Variants in TENM2 observed in about 807,000 individuals in gnomAD.
The protein encoded by TENM2 is teneurin-2.
In TENM2, 52 loss-of-function variants were observed where a neutral mutation model predicts 245.2. The ratio of observed to expected loss-of-function variants is 0.21; its 90% CI spans 0.17 to 0.27. The LOEUF is 0.27. Ranked by LOEUF, TENM2 falls within the 10% of genes least tolerant of loss-of-function variation. The pLI, the probability that TENM2 is intolerant of heterozygous loss-of-function variation, is 1.00. For synonymous variants in TENM2, 1,363 were observed against 1,438.9 expected (o/e 0.95, Z 1.19); for missense variants, 3,046 against 3,666.8 (o/e 0.83, Z 4.37).
At chr5:167,389,176 G>A (rs1761614367) in intron 2 of TENM2, among the ~76,000 whole-genome samples, 2 of 150,896 alleles carry the variant, frequency 1.3e-5, no homozygotes, top group East Asian at 1.9e-4. Flanking sequence ...ATTATTTATA[G>A]ATATACGTTT....
intron 22 of TENM2, among the ~76,000 whole-genome samples, chr5:168,217,757 G>C (rs1234931151): frequency 6.6e-6 from 1 of 152,120 alleles, no homozygotes; most frequent in Non-Finnish European, 1.5e-5. Context: ...GCGTCTGCTT[G>C]GAGAGCAGAG....
At chr5:167,191,985 A>C in the TENM2 span, among the ~76,000 whole-genome samples, 3 of 152,104 alleles carry the variant, frequency 2.0e-5, no homozygotes, top group Non-Finnish European at 2.9e-5. Flanking sequence ...ACATGACTTC[A>C]CAGTATTGAA....
intron 2 of TENM2, among the ~76,000 whole-genome samples, chr5:167,588,096 C>T (rs1445335451): frequency 1.3e-5 from 2 of 152,298 alleles, no homozygotes; most frequent in South Asian, 2.1e-4. Context: ...ATTCCCAGGG[C>T]TCACTGTTCA....
At chr5:167,802,684 T>C (rs906293758) in intron 2 of TENM2, among the ~76,000 whole-genome samples, 5 of 152,144 alleles carry the variant, frequency 3.3e-5, no homozygotes, top group African/African-American at 1.2e-4. Flanking sequence ...CACTGGGCAG[T>C]GTACATATTT....
intron 6 of TENM2, among the ~76,000 whole-genome samples, chr5:168,056,223 T>C (rs1789530920): frequency 6.6e-6 from 1 of 152,204 alleles, no homozygotes. Context: ...CCTCCAGGAA[T>C]AGAGTCACTG....
intron 23 of TENM2, among the ~76,000 whole-genome samples, chr5:168,224,522 A>G (rs1283061522): frequency 6.6e-6 from 1 of 152,192 alleles, no homozygotes; most frequent in Non-Finnish European, 1.5e-5. Context: ...ACATTTCCTG[A>G]GTGCTCTCTG....
chr5:167,813,737 C>G (rs1561810508), intron 2 of TENM2, among the ~76,000 whole-genome samples: 1 of 152,094 alleles, frequency 6.6e-6, no homozygotes, highest in Non-Finnish European at 1.5e-5. Context: ...AGGCTATGCC[C>G]CCAGTTGATC....
At chr5:167,737,794 T>A (rs1760903616) in intron 2 of TENM2, among the ~76,000 whole-genome samples, 1 of 152,230 alleles carries the variant, frequency 6.6e-6, no homozygotes. Context: ...TTCTGCCCTA[T>A]CAGGGTTCTT....
the TENM2 span, among the ~76,000 whole-genome samples, chr5:167,095,170 G>A: frequency 2.6e-5 from 4 of 152,196 alleles, no homozygotes; most frequent in African/African-American, 9.7e-5. Flanking sequence ...CTGATAATGA[G>A]AAATTAAGCA....
intron 2 of TENM2, among the ~76,000 whole-genome samples, chr5:167,507,536 C>T (rs1236292561): frequency 6.6e-6 from 1 of 152,154 alleles, no homozygotes; most frequent in Non-Finnish European, 1.5e-5. Flanking sequence ...GTCACCACCA[C>T]ACACCTTCAA....
At position 168,007,821 on chromosome 5, in the gene TENM2, G is replaced by A. The variant is rs373963591; in HGVS notation, c.1186+14639G>A. 3.3e-5 allele frequency among the ~76,000 whole-genome samples: 5 copies of A among 152,280 alleles called. No homozygotes were observed. The East Asian group carries it at 5.8e-4, about 18-fold the overall frequency. On this transcript the variant is annotated intron_variant, in intron 5 of 28. Coordinates refer to ENST00000518659, the Ensembl canonical transcript of TENM2. ...AGGAAACCCTGAATTTAGTTTAGAA[G>A]TTAGGTTCAACTCTCAACTTCTTCT...
chr5:167,228,274 C>A, the TENM2 span, among the ~76,000 whole-genome samples: 15 of 152,078 alleles, frequency 9.9e-5, no homozygotes, highest in African/African-American at 3.4e-4. Context: ...AAGTGATCTG[C>A]CCATTTCAGC....
chr5:167,590,497 A>G (rs991789973), intron 2 of TENM2, among the ~76,000 whole-genome samples: 10 of 152,074 alleles, frequency 6.6e-5, no homozygotes, highest in Non-Finnish European at 1.0e-4. Context: ...AGATATTTGC[A>G]CTGTTACTAT....
At chr5:167,240,451 G>A in the TENM2 span, among the ~76,000 whole-genome samples, 1 of 151,688 alleles carries the variant, frequency 6.6e-6, no homozygotes, top group Non-Finnish European at 1.5e-5. Flanking sequence ...TACCTCATGT[G>A]TATCAGTTAA....
chr5:167,431,972 T>TATATATACACAC (rs1764281300), intron 2 of TENM2, among the ~76,000 whole-genome samples: 1 of 144,468 alleles, frequency 6.9e-6, no homozygotes, highest in Non-Finnish European at 1.5e-5. Context: ...TATATATATA[T>TATATATACACAC]ATATATGGAA....
chr5:168,009,302 G>A (rs760108530), intron 5 of TENM2, among the ~76,000 whole-genome samples: 40 of 152,180 alleles, frequency 2.6e-4, no homozygotes, highest in Non-Finnish European at 4.7e-4. Context: ...TGATCAGTTG[G>A]TTAGAGGCAG....
intron 10 of TENM2, among the ~76,000 whole-genome samples, chr5:168,120,499 C>T (rs1187083575): frequency 6.6e-6 from 1 of 152,196 alleles, no homozygotes; most frequent in Non-Finnish European, 1.5e-5. Flanking sequence ...TGCCAGTCTT[C>T]GAATTTTTTC....
chr5:167,006,081 C>G, the TENM2 span, among the ~76,000 whole-genome samples: 1 of 151,980 alleles, frequency 6.6e-6, no homozygotes, highest in African/African-American at 2.4e-5. Flanking sequence ...CTTTCTAATC[C>G]CAAAACGCCT....
chr5:167,158,005 C>CA, the TENM2 span, among the ~76,000 whole-genome samples: 2 of 152,300 alleles, frequency 1.3e-5, no homozygotes, highest in African/African-American at 4.8e-5. Context: ...GAGCACACAT[C>CA]AAGTCATTTT....
Sources: allele counts gnomAD v4.1 joint callset (sites outside exome capture counted in the v4.1 genomes callset), GRCh38; gene constraint gnomAD v4.1.1; transcripts MANE v1.5; gene names NCBI Gene and HGNC (gene_info 2026-07-23, HGNC 2026-07-21).